Variants in GCSH observed in about 807,000 individuals in gnomAD.
The protein encoded by GCSH is glycine cleavage system protein H.
A neutral mutation model predicts 21.3 loss-of-function variants in GCSH; 15 were observed. That is an observed-to-expected ratio of 0.70 (90% CI 0.47 to 1.08). The LOEUF is 1.08. Ranked by LOEUF, GCSH falls within the 50% of genes least tolerant of loss-of-function variation. The pLI, the probability that GCSH is intolerant of heterozygous loss-of-function variation, is 0.00. For synonymous variants in GCSH, 59 were observed against 84.5 expected (o/e 0.70, Z 1.66); for missense variants, 179 against 217.5 (o/e 0.82, Z 1.11).
At chr16:81,091,671 T>C (rs79303397) in intron 1 of GCSH, among the ~76,000 whole-genome samples, 4,675 of 152,298 alleles carry the variant, frequency 0.031, 191 homozygotes, top group African/African-American at 0.1. Flanking sequence ...TAAAGAGGCC[T>C]CACTGGCTCA....
chr16:81,095,351 T>TA (rs1248516092), intron 1 of GCSH, among the ~76,000 whole-genome samples: 5 of 151,228 alleles, frequency 3.3e-5, no homozygotes, highest in African/African-American at 7.3e-5. Flanking sequence ...TTTTATCTAG[T>TA]AAAAAAATCT....
chr16:81,095,539 CG>C (rs1244550315), intron 1 of GCSH, among the ~76,000 whole-genome samples: 4 of 151,844 alleles, frequency 2.6e-5, no homozygotes, highest in Admixed American at 2.6e-4. Flanking sequence ...CATGCCGCCA[CG>C]CCTGGCTAAT....
intron 4 of GCSH, 164 bp downstream of exon 4, chr16:81,084,299 T>G (rs1972227422): frequency 1.4e-6 from 1 of 694,692 alleles, no homozygotes; most frequent in Non-Finnish European, 2.6e-6. Flanking sequence ...AACATAACTT[T>G]AAGTATTCAA....
chr16:81,084,503 T>G lies in GCSH; in HGVS notation c.384A>C (p.Ala128=). ...GEVTEINEAL[A]ENPGLVNKSC... The stretch of plus-strand genomic sequence containing the variant: ...ATTTGTTTACAAGTCCTGGATTTTC[T>G]GCAAGAGCTTCATTAATTTCAGTTA... The change falls in exon 4 of 5, where the codon GCA becomes GCC. Residue 128 remains alanine, a synonymous_variant. Coordinates refer to ENST00000315467, the MANE Select transcript of GCSH (RefSeq NM_004483.5). 6.2e-7 allele frequency: 1 copy of G among 1,609,550 alleles called. No individual in the cohort carries two copies. The highest frequency in any genetic ancestry group is 8.5e-7 in the Non-Finnish European group (1 of 1,175,838).
intron 1 of GCSH, among the ~76,000 whole-genome samples, chr16:81,094,601 G>GGAT (rs1972462572): frequency 7.9e-5 from 12 of 152,086 alleles, no homozygotes; most frequent in Admixed American, 6.6e-4. Context: ...TAGTGATGTA[G>GGAT]GGATCCCTAT....
chr16:81,093,384 G>C (rs996410256), intron 1 of GCSH, among the ~76,000 whole-genome samples: 2 of 152,032 alleles, frequency 1.3e-5, no homozygotes, highest in Non-Finnish European at 1.5e-5. Context: ...ATAATTTTAG[G>C]AGTAAGGCTG....
At chr16:81,082,986 T>C in intron 4 of GCSH, 23 bp from the exon 5 acceptor site, 2 of 1,380,090 alleles carry the variant, frequency 1.4e-6, no homozygotes, top group East Asian at 2.3e-5. Context: ...GACAACCTTA[T>C]ATTCCACATT....
chr16:81,095,377 ATTTT>A (rs78295348), intron 1 of GCSH, among the ~76,000 whole-genome samples: 15 of 146,438 alleles, frequency 1.0e-4, no homozygotes, highest in African/African-American at 3.7e-4. Flanking sequence ...TGGCGCTTTA[ATTTT>A]TTTTTTTTTT....
chr16:81,090,925 T>C, intron 1 of GCSH: 1 of 574,392 alleles, frequency 1.7e-6, no homozygotes, highest in Admixed American at 2.8e-5. Context: ...GAGATTGGAT[T>C]ATCTGCTTTA....
In GCSH at chr16:81,090,654, A is replaced by G. The variant is rs1972380264; in HGVS notation, c.175T>C (p.Trp59Arg). The G allele has an allele frequency of 6.2e-7, 1 of 1,612,996 alleles. No individual in the cohort carries two copies. The change falls in exon 2 of 5, where the codon TGG (tryptophan) becomes CGG (arginine). Residue 59 changes from tryptophan (W) to arginine (R), a missense_variant. Coordinates refer to ENST00000315467, the MANE Select transcript of GCSH (RefSeq NM_004483.5). Reference sequence around the variant, plus strand: ...CCAATGCCATTTTCTGTTGTTACCCATTCGTGTTTCTCTGTGAATTTACGC... The same window carrying G: ...CCAATGCCATTTTCTGTTGTTACCCGTTCGTGTTTCTCTGTGAATTTACGC... Reference protein sequence around the residue: ...SVRKFTEKHEWVTTENGIGTV... With the variant: ...SVRKFTEKHERVTTENGIGTV...
At chr16:81,095,206 G>A (rs528525488) in intron 1 of GCSH, among the ~76,000 whole-genome samples, 5 of 152,184 alleles carry the variant, frequency 3.3e-5, no homozygotes, top group African/African-American at 1.2e-4. Flanking sequence ...TTTCAAGTCC[G>A]TTTGAGTTAG....
At chr16:81,086,673 G>GGAAAAAGGAATGAAGTGGGAAT (rs1555529493) in intron 3 of GCSH, among the ~76,000 whole-genome samples, 1 of 151,888 alleles carries the variant, frequency 6.6e-6, no homozygotes, top group Non-Finnish European at 1.5e-5. Flanking sequence ...AATCAGAGAA[G>GGAAAAAGGAATGAAGTGGGAAT]GAAAAAGGAA....
chr16:81,086,220 A>AAAAAC, intron 3 of GCSH, among the ~76,000 whole-genome samples: 1 of 149,472 alleles, frequency 6.7e-6, no homozygotes. Flanking sequence ...AAAAAAAACA[A>AAAAAC]AAAAAACACA....
chr16:81,096,228 GCGCAGGGTGCAGAGCAGGGCCCGCA>G lies in GCSH; in HGVS notation c.26_50del (p.Val9AlafsTer44). 1.5e-6 allele frequency: 2 copies of G among 1,316,034 alleles called. No homozygotes were observed. Among genetic ancestry groups the G allele is most frequent in the Non-Finnish European group, 9.6e-7 (1 of 1,037,838 alleles). 81.5% of individuals were successfully genotyped at this position (1,316,034 alleles called of 1,614,324 possible). Reference sequence around the variant, plus strand: ...AGGGCGCGGCGGGTGACGGGACCGCGCGCAGGGTGCAGAGCAGGGCCCGCACGCTCCGCACCACTCGCAGCGCCAT... The same window carrying G: ...AGGGCGCGGCGGGTGACGGGACCGCGCGCTCCGCACCACTCGCAGCGCCAT... On this transcript the variant is annotated frameshift_variant, in exon 1 of 5. Transcript: ENST00000315467. LOFTEE classifies it high-confidence loss of function.
At chr16:81,087,149 T>G (rs1040877707) in intron 3 of GCSH, among the ~76,000 whole-genome samples, 4 of 151,952 alleles carry the variant, frequency 2.6e-5, no homozygotes, top group African/African-American at 4.8e-5. Flanking sequence ...CACTGCAACC[T>G]CCGCCTCCCA....
Position 81,082,625 on chromosome 16 carries a change from T to G in GCSH, c.*241A>C, listed in dbSNP as rs1972190571. On this transcript the variant is annotated 3_prime_UTR_variant, in exon 5 of 5. Transcript: ENST00000315467. ...TTTTACCATGGATAATTTCATGAATTCTGAACACTAGAGCCTAGTCTAAAA... is the reference window on the plus strand; with the variant it reads ...TTTTACCATGGATAATTTCATGAATGCTGAACACTAGAGCCTAGTCTAAAA... The G allele has an allele frequency of 5.0e-6, 2 of 397,024 alleles. No individual in the cohort carries two copies. The highest frequency in any genetic ancestry group is 1.1e-4 in the East Asian group (2 of 18,696). The allele number at this position is 397,024 out of a possible 1,614,324, so 24.6% of individuals were successfully genotyped here. A position where few individuals can be genotyped will look rare whatever the true frequency, so the allele number is the denominator to read the frequency against.
chr16:81,082,631 C>T lies in GCSH; in HGVS notation c.*235G>A. 1 of 403,478 alleles carries T rather than the reference C, an allele frequency of 2.5e-6. No homozygotes were observed. The highest frequency in any genetic ancestry group is 4.4e-6 in the Non-Finnish European group (1 of 228,846). The allele number at this position is 403,478 out of a possible 1,614,324, so 25.0% of individuals were successfully genotyped here. A position where few individuals can be genotyped will look rare whatever the true frequency, so the allele number is the denominator to read the frequency against. On this transcript the variant is annotated 3_prime_UTR_variant, in exon 5 of 5. Transcript: ENST00000315467. ...CATGGATAATTTCATGAATTCTGAA[C>T]ACTAGAGCCTAGTCTAAAAATCATA...
chr16:81,087,353 C>CT (rs1972303636), intron 3 of GCSH, among the ~76,000 whole-genome samples: 1 of 152,090 alleles, frequency 6.6e-6, no homozygotes, highest in Non-Finnish European at 1.5e-5. Context: ...TGGGGAAACT[C>CT]TGTCTCTACA....
chr16:81,086,519 C>T (rs566781367), intron 3 of GCSH, among the ~76,000 whole-genome samples: 3 of 151,770 alleles, frequency 2.0e-5, no homozygotes, highest in South Asian at 2.1e-4. Context: ...GTCGCACCAT[C>T]GCATTCCAGC....
Sources: gnomAD v4.1 joint callset for allele counts (sites outside exome capture counted in the v4.1 genomes callset) on GRCh38, gnomAD v4.1.1 for gene constraint, MANE v1.5 for transcripts, NCBI Gene and HGNC (gene_info 2026-07-23, HGNC 2026-07-21) for gene names.